DNAH8: variants seen among roughly 807,000 people sequenced by gnomAD.
DNAH8 encodes the protein dynein axonemal heavy chain 8, also known as axonemal beta dynein heavy chain 8.
A neutral mutation model predicts 562.1 loss-of-function variants in DNAH8; 382 were observed. The ratio of observed to expected loss-of-function variants is 0.68; its 90% CI spans 0.63 to 0.74. The LOEUF is 0.74. Ranked by LOEUF, DNAH8 falls within the 30% of genes least tolerant of loss-of-function variation. The probability of loss-of-function intolerance (pLI) is 0.00; values close to 1 mark genes in which losing one functional copy is unlikely to be tolerated. For synonymous variants in DNAH8, 1,881 were observed against 1,919.4 expected, an observed-to-expected ratio of 0.98 and a Z score of 0.52; for missense variants, 5,203 against 5,620.4, an observed-to-expected ratio of 0.93 and a Z score of 2.37.
In DNAH8 at chr6:38,938,153, A is replaced by G; in HGVS notation, c.11743A>G (p.Met3915Val). 1 of 1,614,072 alleles carries G rather than the reference A, an allele frequency of 6.2e-7. No homozygotes were observed. Among genetic ancestry groups the G allele is most frequent in the Non-Finnish European group, 8.5e-7 (1 of 1,179,992 alleles). Residue 3915 changes from methionine to valine, a missense_variant, in exon 78 of 93, where the codon ATG becomes GTG. Met to Val is a conservative substitution (Grantham distance 21). Coordinates refer to ENST00000327475, the MANE Select transcript of DNAH8 (RefSeq NM_001206927.2). ...GSILYFLITE[M>V]SMVNIMYQTS... ...CATCCTCTACTTCCTCATCACAGAG[A>G]TGAGCATGGTCAACATCATGTATCA...
At chr6:38,896,431 C>T (rs1448430129) in intron 60 of DNAH8, among the ~76,000 whole-genome samples, 2 of 151,682 alleles carry the variant, frequency 1.3e-5, no homozygotes, top group African/African-American at 2.4e-5. Context: ...AAAAATTAGT[C>T]GGGTGTGGTG....
chr6:38,931,714 G>C, intron 75 of DNAH8, 97 bp from the exon 76 acceptor site: 10 of 651,624 alleles, frequency 1.5e-5, no homozygotes, highest in Admixed American at 3.1e-5. Flanking sequence ...TTATTGAAGC[G>C]TCACAGCACT....
At chr6:38,744,430 T>C (rs1313325362) in intron 8 of DNAH8, 1 of 152,150 alleles carries the variant, frequency 6.6e-6, no homozygotes, top group African/African-American at 2.4e-5. Flanking sequence ...ACCTGACATA[T>C]GGAGAATGGC....
chr6:39,008,693 C>CTTTTT lies in DNAH8; in HGVS notation c.13215-111_13215-107dup, dbSNP rs34058863. 2.7e-4 allele frequency: 101 copies of CTTTTT among 369,028 alleles called. 3 individuals carry two copies. The highest frequency in any genetic ancestry group is 2.9e-4 in the African/African-American group (13 of 45,174). 22.9% of individuals were successfully genotyped at this position (369,028 alleles called of 1,614,324 possible). A position where few individuals can be genotyped will look rare whatever the true frequency, so the allele number is the denominator to read the frequency against. Reference sequence around the variant, plus strand: ...AGGTTGATGGTAGTTAACTTTTCTTCTTTTTTTTTTTTTTGTAGCTTGCTT... The same window carrying CTTTTT: ...AGGTTGATGGTAGTTAACTTTTCTTCTTTTTTTTTTTTTTTTTTTGTAGCTTGCTT... On this transcript the variant is annotated intron_variant, in intron 88 of 92. Transcript: ENST00000327475.
At chr6:38,972,878 G>A (rs1211921676) in intron 83 of DNAH8, among the ~76,000 whole-genome samples, 1 of 152,030 alleles carries the variant, frequency 6.6e-6, no homozygotes, top group Non-Finnish European at 1.5e-5. Context: ...TTGTATAGAC[G>A]GCACATCCCC....
intron 12 of DNAH8, among the ~76,000 whole-genome samples, chr6:38,772,124 G>A (rs1350901439): frequency 6.7e-6 from 1 of 150,188 alleles, no homozygotes; most frequent in African/African-American, 2.4e-5. Flanking sequence ...CACCTCCCGG[G>A]TTCACGACAT....
intron 41 of DNAH8, among the ~76,000 whole-genome samples, chr6:38,854,495 GAC>G (rs1563003111): frequency 6.6e-6 from 1 of 152,070 alleles, no homozygotes; most frequent in Non-Finnish European, 1.5e-5. Flanking sequence ...ACCACAGAAG[GAC>G]AGAGATATAA....
Position 38,906,292 on chromosome 6 carries a change from C to T in DNAH8, c.9233C>T (p.Ala3078Val), listed in dbSNP as rs770791340. The stretch of plus-strand genomic sequence containing the variant: ...ACTAATCTAACAGATGATTTAAAAG[C>T]TTTGTACAAAGTTGCTGGTGCTGAT... The part of the protein sequence containing the change: ...NVTNLTDDLK[A>V]LYKVAGADGK... Residue 3078 changes from alanine to valine, a missense_variant, in exon 63 of 93, where the codon GCT becomes GTT. Physicochemically the swap from Ala to Val is moderately conservative, Grantham distance 64. Coordinates refer to ENST00000327475, the MANE Select transcript of DNAH8 (RefSeq NM_001206927.2). 9 of 1,604,974 alleles carry T rather than the reference C, an allele frequency of 5.6e-6. No homozygotes were observed. The South Asian group carries it at 1.0e-4, about 18-fold the overall frequency.
At chr6:38,933,074 ACT>A (rs542171092) in intron 76 of DNAH8, among the ~76,000 whole-genome samples, 43 of 152,234 alleles carry the variant, frequency 2.8e-4, no homozygotes, top group African/African-American at 8.9e-4. Flanking sequence ...CCGGCAATTC[ACT>A]GTTTCCATCG....
chr6:38,991,160 C>G (rs1764756735), intron 88 of DNAH8, among the ~76,000 whole-genome samples: 1 of 152,242 alleles, frequency 6.6e-6, no homozygotes, highest in South Asian at 2.1e-4. Flanking sequence ...TGACCACCCT[C>G]CTAGCTCCCT....
intron 53 of DNAH8, among the ~76,000 whole-genome samples, chr6:38,882,676 A>C (rs1285225020): frequency 6.6e-6 from 1 of 152,188 alleles, no homozygotes; most frequent in African/African-American, 2.4e-5. Flanking sequence ...ACAGACCTGC[A>C]CATGTATCCC....
chr6:38,883,055 A>G lies in DNAH8; in HGVS notation c.8001+3A>G. 6.3e-7 allele frequency: 1 copy of G among 1,585,822 alleles called. No individual in the cohort carries two copies. Among genetic ancestry groups the G allele is most frequent in the Non-Finnish European group, 8.5e-7 (1 of 1,170,074 alleles). On this transcript the variant is annotated splice_donor_region_variant and intron_variant, in intron 54 of 92. Transcript: ENST00000327475. ...ACACCATTGCAAAACAACATAAAGT[A>G]AGTTTAATAGATAGTTCCTTAAATG... is the stretch of plus-strand genomic sequence containing the variant.
At chr6:38,872,808 A>C (rs1214682507) in intron 50 of DNAH8, 26 bp downstream of exon 50, 1 of 1,612,378 alleles carries the variant, frequency 6.2e-7, no homozygotes, top group Non-Finnish European at 8.5e-7. Flanking sequence ...CTTTGTGATC[A>C]TTTTTTCCCT....
At chr6:38,748,670 C>T (rs9462455) in intron 8 of DNAH8, among the ~76,000 whole-genome samples, 2,245 of 151,502 alleles carry the variant, frequency 0.015, 44 homozygotes, top group South Asian at 0.1. Flanking sequence ...AGGAGAATGG[C>T]GTGAACCCAG....
In DNAH8 at chr6:38,925,985, G is replaced by A. The variant is rs1583372515; in HGVS notation, c.10963-70G>A. 14 of 1,344,886 alleles carry A rather than the reference G, an allele frequency of 1.0e-5. No homozygotes were observed. In the East Asian group the frequency reaches 3.4e-4, roughly 32 times the overall value. 83.3% of individuals were successfully genotyped at this position (1,344,886 alleles called of 1,614,324 possible). On this transcript the variant is annotated intron_variant, in intron 73 of 92. Coordinates refer to ENST00000327475, the MANE Select transcript of DNAH8 (RefSeq NM_001206927.2). ...ACATTTTAAATTATTTTACTTTACA[G>A]TACTTTTAATTACTAATGAGGGCAT...
rs780763231 is a variant in DNAH8, at chr6:38,935,638, A to T, written c.11504A>T (p.Asn3835Ile). ...RVKLLEDVTF[N>I]KRKMKELEDN... ...AAACTTTTGGAGGATGTTACTTTTA[A>T]TAAGCGGAAGATGAAAGAACTTGAA... is the stretch of plus-strand genomic sequence containing the variant. Residue 3835 changes from asparagine (N) to isoleucine (I), a missense_variant, in exon 77 of 93, where the codon AAT (asparagine) becomes ATT (isoleucine). Asn to Ile is a moderately radical substitution (Grantham distance 149). Coordinates refer to ENST00000327475, the MANE Select transcript of DNAH8 (RefSeq NM_001206927.2). 2 of 1,613,546 alleles carry T rather than the reference A, an allele frequency of 1.2e-6. No individual in the cohort carries two copies. Among genetic ancestry groups the T allele is most frequent in the Non-Finnish European group, 1.7e-6 (2 of 1,179,812 alleles).
chr6:38,926,985 T>C (rs571728895), intron 74 of DNAH8, among the ~76,000 whole-genome samples: 2 of 152,344 alleles, frequency 1.3e-5, no homozygotes, highest in East Asian at 1.9e-4. Flanking sequence ...TAAATTATTG[T>C]TCTTTGCACA....
At chr6:38,851,508 T>TA in intron 38 of DNAH8, 64 bp from the exon 39 acceptor site, 2 of 979,684 alleles carry the variant, frequency 2.0e-6, no homozygotes, top group Non-Finnish European at 3.1e-6. Flanking sequence ...ATGTCTTGAC[T>TA]AAAAAAATAA....
chr6:38,760,411 A>G (rs1210447872), intron 10 of DNAH8, among the ~76,000 whole-genome samples: 1 of 151,996 alleles, frequency 6.6e-6, no homozygotes, highest in East Asian at 1.9e-4. Context: ...TTCTCCCAGG[A>G]AGCTTTTAGG....
Sources: allele counts gnomAD v4.1 joint callset (sites outside exome capture counted in the v4.1 genomes callset), GRCh38; gene constraint gnomAD v4.1.1; transcripts MANE v1.5; gene names NCBI Gene and HGNC (gene_info 2026-07-23, HGNC 2026-07-21).